Variants in COL13A1 observed in about 807,000 individuals in gnomAD.
COL13A1 encodes the protein collagen alpha-1(XIII) chain.
In COL13A1, 89 loss-of-function variants were observed where a neutral mutation model predicts 130.9. The observed-to-expected ratio is 0.68, with a 90% CI of 0.57 to 0.81. The LOEUF is 0.81. COL13A1 is among the 30% of genes least tolerant of loss of function. The pLI is 0.00. For missense variants in COL13A1, 879 were observed against 934.6 expected, an observed-to-expected ratio of 0.94 and a Z score of 0.78; for synonymous variants, 402 against 341.6, an observed-to-expected ratio of 1.18 and a Z score of -1.95.
chr10:69,929,096 C>T, intron 28 of COL13A1, 97 bp downstream of exon 28: 4 of 927,148 alleles, frequency 4.3e-6, no homozygotes, highest in South Asian at 1.6e-5. Flanking sequence ...CCCAGCACTA[C>T]CACCATACCC....
intron 1 of COL13A1, among the ~76,000 whole-genome samples, chr10:69,802,986 G>A (rs1840466264): frequency 6.6e-6 from 1 of 152,230 alleles, no homozygotes; most frequent in African/African-American, 2.4e-5. Flanking sequence ...ACGCCGGGCA[G>A]GTGGAGGAAG....
chr10:69,876,682 C>G (rs2059602686), intron 5 of COL13A1, among the ~76,000 whole-genome samples: 1 of 152,216 alleles, frequency 6.6e-6, no homozygotes, highest in South Asian at 2.1e-4. Context: ...CATCCTTTCC[C>G]AAGGGCCTGC....
intron 2 of COL13A1, among the ~76,000 whole-genome samples, chr10:69,826,276 C>T (rs940574962): frequency 6.6e-6 from 1 of 152,156 alleles, no homozygotes; most frequent in East Asian, 1.9e-4. Flanking sequence ...AAGGATGACA[C>T]GTTTTTCACC....
chr10:69,947,486 C>A, intron 38 of COL13A1, 144 bp downstream of exon 38: 1 of 761,666 alleles, frequency 1.3e-6, no homozygotes. Context: ...CAAGGAGGGC[C>A]TTAACCTGTG....
At position 69,868,119 on chromosome 10, in the gene COL13A1, CAAA is replaced by C. The variant is rs55856106; in HGVS notation, c.372+332_372+334del. Reference sequence around the variant, plus strand: ...TTGTCCCCAAAGAAGCTATTGGAGTCAAAAAAAAAAAAAAAAAAAAGCACCAGG... The same window carrying C: ...TTGTCCCCAAAGAAGCTATTGGAGTCAAAAAAAAAAAAAAAAAGCACCAGG... On this transcript the variant is annotated intron_variant, in intron 3 of 40. Coordinates refer to ENST00000645393, the MANE Select transcript of COL13A1 (RefSeq NM_001368882.1). Among the ~76,000 whole-genome samples, 28,599 of 126,940 alleles carry C rather than the reference CAAA, an allele frequency of 0.23. 3,110 individuals are homozygous for C. The highest frequency in any genetic ancestry group is 0.37 in the East Asian group (1,624 of 4,428). 83.3% of individuals were successfully genotyped at this position (126,940 alleles called of 152,430 possible). A position where few individuals can be genotyped will look rare whatever the true frequency, so the allele number is the denominator to read the frequency against.
intron 5 of COL13A1, among the ~76,000 whole-genome samples, chr10:69,875,612 A>T (rs2059497844): frequency 1.3e-5 from 2 of 152,198 alleles, no homozygotes; most frequent in South Asian, 4.1e-4. Context: ...GCACTAAGAG[A>T]TGGTGAAGAC....
intron 23 of COL13A1, 67 bp downstream of exon 23, chr10:69,922,861 C>A: frequency 8.9e-7 from 1 of 1,129,036 alleles, no homozygotes; most frequent in South Asian, 1.6e-5. Context: ...AGCCTGTTCT[C>A]GGGGACTCTA....
intron 7 of COL13A1, among the ~76,000 whole-genome samples, chr10:69,885,871 G>A (rs533034978): frequency 4.6e-5 from 7 of 152,180 alleles, no homozygotes; most frequent in East Asian, 3.9e-4. Context: ...CTCCTCCCTC[G>A]TGCCCTTTTG....
chr10:69,911,442 A>C lies in COL13A1; in HGVS notation c.921+5620A>C, dbSNP rs2063371011. ...TCCCAACTTATGGATGAGCATACTGAGGTTCACAGAGGCCATTTTCCCCGA... is the reference window on the plus strand; with the variant it reads ...TCCCAACTTATGGATGAGCATACTGCGGTTCACAGAGGCCATTTTCCCCGA... On this transcript the variant is annotated intron_variant, in intron 17 of 40. Coordinates refer to ENST00000645393, the MANE Select transcript of COL13A1 (RefSeq NM_001368882.1). Among the ~76,000 whole-genome samples the C allele has an allele frequency of 2.0e-5, 3 of 152,318 alleles. No individual in the cohort carries two copies. The South Asian group carries it at 6.2e-4, about 32-fold the overall frequency.
At chr10:69,844,673 A>G (rs957836667) in intron 2 of COL13A1, among the ~76,000 whole-genome samples, 3 of 152,236 alleles carry the variant, frequency 2.0e-5, no homozygotes, top group South Asian at 2.1e-4. Flanking sequence ...TGCTTTTGTC[A>G]TGGAGAAGGG....
chr10:69,913,259 G>A (rs1259886334), intron 17 of COL13A1, among the ~76,000 whole-genome samples: 3 of 152,212 alleles, frequency 2.0e-5, no homozygotes, highest in African/African-American at 7.2e-5. Context: ...AAGGCTCAGA[G>A]CACCCACTTC....
intron 35 of COL13A1, among the ~76,000 whole-genome samples, chr10:69,943,243 C>A (rs2067927639): frequency 6.6e-6 from 1 of 152,226 alleles, no homozygotes; most frequent in Non-Finnish European, 1.5e-5. Context: ...TTACTCCCCT[C>A]TTTGTCTCAC....
At chr10:69,922,054 G>A (rs1481004597) in intron 22 of COL13A1, 119 bp downstream of exon 22, 8 of 1,300,968 alleles carry the variant, frequency 6.1e-6, no homozygotes, top group South Asian at 3.1e-5. Flanking sequence ...TGCAGGAAAG[G>A]CAGCTGGAAC....
intron 34 of COL13A1, 35 bp from the exon 35 acceptor site, chr10:69,940,953 C>T: frequency 6.2e-7 from 1 of 1,613,954 alleles, no homozygotes; most frequent in African/African-American, 1.3e-5. Context: ...ATCCTCTCTT[C>T]CCCTTCTTTT....
intron 1 of COL13A1, among the ~76,000 whole-genome samples, chr10:69,821,345 A>G (rs1246259412): frequency 6.6e-6 from 1 of 152,222 alleles, no homozygotes; most frequent in Non-Finnish European, 1.5e-5. Context: ...CATGAGCATC[A>G]CAGTGTGGGT....
At chr10:69,950,375 C>A (rs1182268077) in intron 38 of COL13A1, among the ~76,000 whole-genome samples, 31 of 152,124 alleles carry the variant, frequency 2.0e-4, no homozygotes, top group Non-Finnish European at 5.9e-5. Context: ...GGATTTGGGG[C>A]AATTGCACAG....
chr10:69,936,069 AAGGGAGGG>A (rs1200969595), intron 32 of COL13A1, among the ~76,000 whole-genome samples: 2,373 of 116,656 alleles, frequency 0.02, 115 homozygotes, highest in African/African-American at 0.068. Flanking sequence ...GGAGTGAGGG[AAGGGAGGG>A]AGGGAGGGAG....
intron 2 of COL13A1, among the ~76,000 whole-genome samples, chr10:69,824,825 T>C (rs772083575): frequency 6.6e-6 from 1 of 152,158 alleles, no homozygotes; most frequent in Non-Finnish European, 1.5e-5. Flanking sequence ...GGGCAATGCC[T>C]GAAGAATTTA....
intron 2 of COL13A1, among the ~76,000 whole-genome samples, chr10:69,858,166 TA>T (rs1857001511): frequency 6.7e-6 from 1 of 149,998 alleles, no homozygotes; most frequent in Non-Finnish European, 1.5e-5. Flanking sequence ...GAAGAGCTCT[TA>T]TTAGCCATTC....
Sources: gnomAD v4.1 joint callset for allele counts (sites outside exome capture counted in the v4.1 genomes callset) on GRCh38, gnomAD v4.1.1 for gene constraint, MANE v1.5 for transcripts, NCBI Gene and HGNC (gene_info 2026-07-23, HGNC 2026-07-21) for gene names.